Variants in PRKCE observed in about 807,000 individuals in gnomAD.
PRKCE encodes the protein protein kinase C epsilon.
A neutral mutation model predicts 85.4 loss-of-function variants in PRKCE; 16 were observed. The observed-to-expected ratio is 0.19, with a 90% confidence interval of 0.13 to 0.28. PRKCE has a LOEUF of 0.28. Among genes scored for constraint, PRKCE ranks in the 10% least tolerant of loss-of-function variants. PRKCE has a pLI of 1.00. For missense variants in PRKCE, 573 were observed against 975.2 expected, an observed-to-expected ratio of 0.59 and a Z score of 5.49; for synonymous variants, 388 against 371.5, an observed-to-expected ratio of 1.04 and a Z score of -0.51.
intron 1 of PRKCE, among the ~76,000 whole-genome samples, chr2:45,692,708 GAC>G (rs61597020): frequency 1.3e-3 from 190 of 149,406 alleles, no homozygotes; most frequent in African/African-American, 3.3e-3. Context: ...TCCAAGGGAG[GAC>G]ACACACACAC....
Position 46,063,924 on chromosome 2 carries a change from T to C in PRKCE, c.1438-22284T>C, listed in dbSNP as rs893937666. On this transcript the variant is annotated intron_variant, in intron 10 of 14. Coordinates refer to ENST00000306156, the MANE Select transcript of PRKCE (RefSeq NM_005400.3). ...AGTCCTCTCTGAGCCCGAAGAGTTG[T>C]TGACTATCATCAGGTGTTAGGCCTC... Among the ~76,000 whole-genome samples the C allele has an allele frequency of 2.0e-5, 3 of 152,190 alleles. No homozygotes were observed. The East Asian group carries it at 5.8e-4, about 29-fold the overall frequency.
intron 13 of PRKCE, among the ~76,000 whole-genome samples, chr2:46,156,059 G>C (rs1373493617): frequency 7.2e-6 from 1 of 138,598 alleles, no homozygotes; most frequent in Non-Finnish European, 1.5e-5. Flanking sequence ...TTGTTACGTG[G>C]AAAAAAAAAA....
chr2:45,943,930 G>C (rs961386887), intron 2 of PRKCE, among the ~76,000 whole-genome samples: 18 of 152,250 alleles, frequency 1.2e-4, no homozygotes, highest in African/African-American at 1.4e-4. Context: ...AAAAGGCACA[G>C]AGTGTTTGGT....
Position 45,678,694 on chromosome 2 carries a change from T to C in PRKCE, c.348+26246T>C, listed in dbSNP as rs535057136. On this transcript the variant is annotated intron_variant, in intron 1 of 14. Coordinates refer to ENST00000306156, the MANE Select transcript of PRKCE (RefSeq NM_005400.3). ...AAGTTTATCATGTAATTATCTGGAT[T>C]TTTTTTTTTCATTTCTCTGAGCTTT... Among the ~76,000 whole-genome samples, 3 of 123,302 alleles carry C rather than the reference T, an allele frequency of 2.4e-5. No individual in the cohort carries two copies. In the South Asian group the frequency reaches 7.5e-4, roughly 31 times the overall value. The allele number at this position is 123,302 out of a possible 152,430, so 80.9% of individuals were successfully genotyped here.
At chr2:45,954,499 G>A (rs1050201301) in intron 2 of PRKCE, among the ~76,000 whole-genome samples, 12 of 152,130 alleles carry the variant, frequency 7.9e-5, no homozygotes, top group African/African-American at 2.7e-4. Flanking sequence ...CTGTTCTGCA[G>A]GATTAAAAGA....
At chr2:45,837,343 G>A (rs1003975445) in intron 1 of PRKCE, among the ~76,000 whole-genome samples, 1 of 152,264 alleles carries the variant, frequency 6.6e-6, no homozygotes, top group Middle Eastern at 3.4e-3. Context: ...TGCAGCCTCC[G>A]CCTCCCAGGT....
chr2:45,884,984 TATATATATATATA>T (rs1414344049), intron 2 of PRKCE, among the ~76,000 whole-genome samples: 4 of 77,098 alleles, frequency 5.2e-5, no homozygotes, highest in Non-Finnish European at 1.1e-4. Flanking sequence ...TATATATATA[TATATATATATATA>T]TATATTTGTT....
intron 2 of PRKCE, among the ~76,000 whole-genome samples, chr2:45,861,436 T>C (rs1344047804): frequency 4.6e-4 from 70 of 152,208 alleles, no homozygotes; most frequent in Non-Finnish European, 5.9e-5. Context: ...ACAACCCATG[T>C]ATTAGGTTGC....
chr2:46,060,208 A>G (rs747047104), intron 10 of PRKCE, among the ~76,000 whole-genome samples: 2 of 152,212 alleles, frequency 1.3e-5, no homozygotes, highest in Non-Finnish European at 2.9e-5. Flanking sequence ...TCTAGGGAAC[A>G]TAACTATTTC....
intron 2 of PRKCE, among the ~76,000 whole-genome samples, chr2:45,973,123 G>A (rs1201317738): frequency 1.3e-5 from 2 of 152,204 alleles, no homozygotes; most frequent in East Asian, 3.8e-4. Flanking sequence ...TCTACATTTT[G>A]GAAGAGACCT....
chr2:46,035,944 A>T (rs1707830311), intron 10 of PRKCE, among the ~76,000 whole-genome samples: 1 of 152,254 alleles, frequency 6.6e-6, no homozygotes, highest in African/African-American at 2.4e-5. Context: ...CCCTGATGTC[A>T]GGTGGTGATA....
intron 2 of PRKCE, among the ~76,000 whole-genome samples, chr2:45,916,715 G>T (rs1475013063): frequency 6.6e-6 from 1 of 152,140 alleles, no homozygotes; most frequent in Non-Finnish European, 1.5e-5. Context: ...AATAAAGCCC[G>T]ATTACAGAGT....
At chr2:46,069,596 T>C (rs1667900800) in intron 10 of PRKCE, among the ~76,000 whole-genome samples, 1 of 152,224 alleles carries the variant, frequency 6.6e-6, no homozygotes, top group South Asian at 2.1e-4. Context: ...ACACAGTTTA[T>C]ATGGGCCCTT....
intron 2 of PRKCE, among the ~76,000 whole-genome samples, chr2:45,919,075 A>C (rs1268025519): frequency 6.6e-6 from 1 of 152,228 alleles, no homozygotes; most frequent in Non-Finnish European, 1.5e-5. Context: ...GATAAGCTGC[A>C]TGTAAATCAA....
At chr2:45,806,756 CAG>C (rs1456570589) in intron 1 of PRKCE, among the ~76,000 whole-genome samples, 1 of 152,104 alleles carries the variant, frequency 6.6e-6, no homozygotes, top group Non-Finnish European at 1.5e-5. Flanking sequence ...AGGATGAGTA[CAG>C]ATGAGGGAGG....
intron 11 of PRKCE, among the ~76,000 whole-genome samples, chr2:46,123,267 A>T (rs1673517472): frequency 8.8e-6 from 1 of 114,244 alleles, no homozygotes; most frequent in Non-Finnish European, 1.8e-5. Context: ...CTTAAAGGAA[A>T]CTCAGAGTAA....
At chr2:46,175,316 CAA>C (rs1284139055) in intron 14 of PRKCE, among the ~76,000 whole-genome samples, 1 of 152,136 alleles carries the variant, frequency 6.6e-6, no homozygotes. Flanking sequence ...CTAGGTGAAA[CAA>C]TGATTATTCT....
chr2:45,967,193 G>T (rs974668259), intron 2 of PRKCE, among the ~76,000 whole-genome samples: 1 of 152,134 alleles, frequency 6.6e-6, no homozygotes, highest in Non-Finnish European at 1.5e-5. Context: ...ATGTGGAGCG[G>T]TATGTACTAC....
chr2:45,863,576 T>C (rs144942894), intron 2 of PRKCE, among the ~76,000 whole-genome samples: 31 of 152,098 alleles, frequency 2.0e-4, no homozygotes, highest in African/African-American at 7.0e-4. Flanking sequence ...TCACAGGCAG[T>C]CCCTACTCTC....
Sources: allele counts gnomAD v4.1 joint callset (sites outside exome capture counted in the v4.1 genomes callset), GRCh38; gene constraint gnomAD v4.1.1; transcripts MANE v1.5; gene names NCBI Gene and HGNC (gene_info 2026-07-23, HGNC 2026-07-21).